CDK5RAP2: variants seen among roughly 807,000 people sequenced by gnomAD.
CDK5RAP2 encodes CDK5 regulatory subunit-associated protein 2.
A neutral mutation model predicts 232.9 loss-of-function variants in CDK5RAP2; 147 were observed. The observed-to-expected ratio is 0.63, with a 90% CI of 0.55 to 0.72. The LOEUF (loss-of-function observed/expected upper bound fraction) is 0.72, where lower values mean the gene tolerates loss of function less well. Ranked by LOEUF, CDK5RAP2 falls within the 30% of genes least tolerant of loss-of-function variation. CDK5RAP2 has a pLI of 0.00. For synonymous variants in CDK5RAP2, 833 were observed against 833.7 expected (o/e 1.00, Z 0.01); for missense variants, 2,195 against 2,231.5 (o/e 0.98, Z 0.33).
intron 12 of CDK5RAP2, among the ~76,000 whole-genome samples, chr9:120,511,248 C>T (rs2040067790): frequency 6.6e-6 from 1 of 152,186 alleles, no homozygotes; most frequent in African/African-American, 2.4e-5. Flanking sequence ...TAATGGTTGG[C>T]TTACCATCAA....
chr9:120,547,750 A>G (rs1308580371), intron 4 of CDK5RAP2, among the ~76,000 whole-genome samples: 2 of 152,180 alleles, frequency 1.3e-5, no homozygotes, highest in Non-Finnish European at 2.9e-5. Context: ...ACAAAAGGAC[A>G]TAGGTTTAAA....
chr9:120,415,457 T>C (rs560072620), intron 27 of CDK5RAP2, among the ~76,000 whole-genome samples: 1 of 152,362 alleles, frequency 6.6e-6, no homozygotes, highest in East Asian at 1.9e-4. Flanking sequence ...CTTCCAAATA[T>C]CAAATATTAA....
At chr9:120,516,190 AAAAGGATG>A (rs2131821807) in intron 12 of CDK5RAP2, among the ~76,000 whole-genome samples, 1 of 152,308 alleles carries the variant, frequency 6.6e-6, no homozygotes, top group East Asian at 1.9e-4. Flanking sequence ...GCAGCCATAA[AAAAGGATG>A]AGTTCATGTG....
In CDK5RAP2 at chr9:120,448,102, T is replaced by G. The variant is rs1254338891; in HGVS notation, c.2818A>C (p.Ile940Leu). The G allele has an allele frequency of 3.1e-6, 5 of 1,614,040 alleles. No individual in the cohort carries two copies. In the Admixed American group the frequency reaches 6.7e-5, roughly 22 times the overall value. ...NREAKKSRLP[I>L]LIKPSRSLGN... ...AATGACCGGGATGGTTTTATTAGGA[T>G]TGGCAAGCGGGACTTCTTAGCCTCC... Residue 940 changes from isoleucine (I) to leucine (L), a missense_variant, in exon 22 of 38, where the codon ATC becomes CTC. By Grantham distance (5) the Ile-to-Leu change is conservative. Coordinates refer to ENST00000349780, the MANE Select transcript of CDK5RAP2 (RefSeq NM_018249.6).
intron 27 of CDK5RAP2, among the ~76,000 whole-genome samples, chr9:120,418,466 T>C (rs2034368729): frequency 6.6e-6 from 1 of 152,172 alleles, no homozygotes; most frequent in Non-Finnish European, 1.5e-5. Context: ...TTCTGGTTCC[T>C]CAATCAAGTC....
chr9:120,477,590 A>G (rs569763143), intron 14 of CDK5RAP2, 140 bp from the exon 15 acceptor site: 44 of 715,502 alleles, frequency 6.1e-5, no homozygotes, highest in Non-Finnish European at 9.5e-5. Flanking sequence ...GCTCTGGCTC[A>G]GGCCACAGTC....
At chr9:120,476,231 AACT>A (rs1330443182) in intron 15 of CDK5RAP2, among the ~76,000 whole-genome samples, 1 of 151,502 alleles carries the variant, frequency 6.6e-6, no homozygotes, top group African/African-American at 2.4e-5. Context: ...AAAAAAAAAA[AACT>A]ACTGTAATGA....
intron 12 of CDK5RAP2, chr9:120,517,850 A>T (rs986138116): frequency 1.0e-5 from 4 of 388,208 alleles, no homozygotes; most frequent in African/African-American, 8.3e-5. Context: ...ACTTGAGCCC[A>T]GGAGTTCAGG....
At chr9:120,414,124 G>A (rs535933011) in intron 28 of CDK5RAP2, among the ~76,000 whole-genome samples, 8 of 152,198 alleles carry the variant, frequency 5.3e-5, no homozygotes, top group Non-Finnish European at 8.8e-5. Context: ...AAATAAAATT[G>A]ATAATGATGA....
At chr9:120,476,230 AAACTACTGT>A (rs1255484608) in intron 15 of CDK5RAP2, among the ~76,000 whole-genome samples, 2 of 151,718 alleles carry the variant, frequency 1.3e-5, no homozygotes, top group East Asian at 3.9e-4. Flanking sequence ...GAAAAAAAAA[AAACTACTGT>A]AATGAACCTC....
intron 25 of CDK5RAP2, 128 bp from the exon 26 acceptor site, chr9:120,422,869 A>T: frequency 4.1e-6 from 3 of 726,168 alleles, no homozygotes; most frequent in Non-Finnish European, 7.4e-6. Context: ...ACAATCCTGG[A>T]TATTTAAAGT....
rs140484660 is a variant in CDK5RAP2 at position 120,394,032 on chromosome 9, T to C, written c.5578+480A>G. On this transcript the variant is annotated intron_variant, in intron 36 of 37. Transcript: ENST00000349780. ...CCACCTTAATTCACTGTTTGCAGCC[T>C]TTACCCCACAGGGACTGGTTTTGGT... Among the ~76,000 whole-genome samples the C allele has an allele frequency of 3.4e-3, 521 of 152,298 alleles. 7 individuals are homozygous for C. The highest frequency in any genetic ancestry group is 6.8e-3 in the Middle Eastern group (2 of 294).
At chr9:120,453,974 T>C in intron 20 of CDK5RAP2, 101 bp from the exon 21 acceptor site, 1 of 1,215,182 alleles carries the variant, frequency 8.2e-7, no homozygotes, top group Non-Finnish European at 1.2e-6. Flanking sequence ...GTTGCCCAGA[T>C]TCCATCAAAA....
chr9:120,400,574 G>A (rs1458592156), intron 35 of CDK5RAP2, among the ~76,000 whole-genome samples, 168 bp downstream of exon 35: 2 of 152,200 alleles, frequency 1.3e-5, no homozygotes, highest in African/African-American at 2.4e-5. Flanking sequence ...AGTGTGGGAC[G>A]GATCAAGTAA....
intron 10 of CDK5RAP2, among the ~76,000 whole-genome samples, chr9:120,525,523 A>G (rs1044898253): frequency 1.5e-4 from 23 of 152,030 alleles, no homozygotes; most frequent in African/African-American, 5.3e-4. Flanking sequence ...GGACTTTGCC[A>G]GCACCCAGAG....
intron 11 of CDK5RAP2, 83 bp from the exon 12 acceptor site, chr9:120,518,728 G>A (rs561978579): frequency 6.0e-5 from 64 of 1,074,546 alleles, no homozygotes; most frequent in Admixed American, 7.7e-5. Context: ...CTTTTTCGCC[G>A]TGGGGGAAAA....
chr9:120,468,985 C>T (rs1045614284), intron 17 of CDK5RAP2, among the ~76,000 whole-genome samples: 1 of 152,132 alleles, frequency 6.6e-6, no homozygotes, highest in South Asian at 2.1e-4. Flanking sequence ...GTAGGAAGAA[C>T]AAGACATTCT....
intron 1 of CDK5RAP2, among the ~76,000 whole-genome samples, chr9:120,573,724 A>C (rs544446082): frequency 6.6e-6 from 1 of 152,348 alleles, no homozygotes; most frequent in East Asian, 1.9e-4. Flanking sequence ...CAAAGGAAAT[A>C]TACTGAAATA....
chr9:120,471,702 TCCAAGTGG>T (rs2037713427), intron 16 of CDK5RAP2, 38 bp downstream of exon 16: 1 of 1,613,404 alleles, frequency 6.2e-7, no homozygotes, highest in Non-Finnish European at 8.5e-7. Context: ...GTCCATGCCC[TCCAAGTGG>T]AAAAACCAAA....
Sources: allele counts gnomAD v4.1 joint callset (sites outside exome capture counted in the v4.1 genomes callset), GRCh38; gene constraint gnomAD v4.1.1; transcripts MANE v1.5; gene names NCBI Gene and HGNC (gene_info 2026-07-23, HGNC 2026-07-21).